PANX3: variants seen among roughly 807,000 people sequenced by gnomAD.
PANX3 encodes pannexin 3.
A neutral mutation model predicts 31.5 loss-of-function variants in PANX3; 18 were observed. That is an observed-to-expected ratio of 0.57 (90% CI 0.39 to 0.85). The LOEUF is 0.85. PANX3 is among the 40% of genes least tolerant of loss of function. PANX3 has a pLI of 0.00. For missense variants in PANX3, 426 were observed against 485.4 expected (o/e 0.88, Z 1.15); for synonymous variants, 194 against 201.6 (o/e 0.96, Z 0.32).
chr11:124,617,544 A>C, intron 3 of PANX3, 56 bp downstream of exon 3: 1 of 1,545,472 alleles, frequency 6.5e-7, no homozygotes, highest in Non-Finnish European at 8.9e-7. Context: ...TAAAATGATA[A>C]CTTTGCATAG....
chr11:124,613,300 A>G (rs1863116728), intron 2 of PANX3, among the ~76,000 whole-genome samples, 178 bp downstream of exon 2: 2 of 152,214 alleles, frequency 1.3e-5, no homozygotes, highest in Admixed American at 1.3e-4. Flanking sequence ...CCTTTTATCT[A>G]ATTGGAAGCT....
chr11:124,615,103 A>G (rs1863138230), intron 2 of PANX3, among the ~76,000 whole-genome samples: 2 of 151,768 alleles, frequency 1.3e-5, no homozygotes, highest in Admixed American at 1.3e-4. Flanking sequence ...TTTCTTTTTG[A>G]GACAGAGTCT....
intron 2 of PANX3, among the ~76,000 whole-genome samples, chr11:124,615,413 A>G (rs986631562): frequency 2.6e-5 from 4 of 152,118 alleles, no homozygotes; most frequent in Admixed American, 6.6e-5. Context: ...GGTACAATCA[A>G]TTATGTATCC....
Position 124,617,291 on chromosome 11 carries a change from G to A in PANX3, c.342G>A (p.Leu114=). 6.2e-7 allele frequency: 1 copy of A among 1,606,668 alleles called. No individual in the cohort carries two copies. The highest frequency in any genetic ancestry group is 8.5e-7 in the Non-Finnish European group (1 of 1,179,944). The change falls in exon 3 of 4, where the codon CTG becomes CTA. Residue 114 remains leucine, a synonymous_variant. Coordinates refer to ENST00000284288, the MANE Select transcript of PANX3 (RefSeq NM_052959.3). ...CCCTGCAGGCCCTCCCCTACTCCCTGCTGGCCCTGGCCTTGCTCATGTACC... is the reference window on the plus strand; with the variant it reads ...CCCTGCAGGCCCTCCCCTACTCCCTACTGGCCCTGGCCTTGCTCATGTACC... ...LWPHKALPYS[L]LALALLMYLP... is the part of the protein sequence containing the mutation.
intron 3 of PANX3, 101 bp from the exon 4 acceptor site, chr11:124,619,195 T>C (rs1756286602): frequency 8.0e-7 from 1 of 1,255,846 alleles, no homozygotes; most frequent in Non-Finnish European, 1.1e-6. Context: ...GAACCAAGAA[T>C]GCCATGTTGA....
At chr11:124,615,374 C>A (rs1863141642) in intron 2 of PANX3, among the ~76,000 whole-genome samples, 1 of 152,206 alleles carries the variant, frequency 6.6e-6, no homozygotes, top group South Asian at 2.1e-4. Context: ...AGCCACTGCG[C>A]CCGGCCCCAC....
chr11:124,619,197 C>G, intron 3 of PANX3, 99 bp from the exon 4 acceptor site: 1 of 1,275,328 alleles, frequency 7.8e-7, no homozygotes, highest in South Asian at 1.5e-5. Flanking sequence ...ACCAAGAATG[C>G]CATGTTGAAA....
chr11:124,619,239 T>TA, intron 3 of PANX3, 57 bp from the exon 4 acceptor site: 2 of 1,513,800 alleles, frequency 1.3e-6, no homozygotes, highest in East Asian at 2.3e-5. Context: ...ATGCCTCTCT[T>TA]AGAGTATGGT....
chr11:124,614,536 G>A (rs981522173), intron 2 of PANX3, among the ~76,000 whole-genome samples: 25 of 152,064 alleles, frequency 1.6e-4, no homozygotes, highest in Admixed American at 1.1e-3. Flanking sequence ...CCAAAGTGCT[G>A]GGATTACAGG....
intron 2 of PANX3, among the ~76,000 whole-genome samples, chr11:124,614,675 T>C (rs1294517500): frequency 2.1e-5 from 3 of 140,850 alleles, no homozygotes; most frequent in East Asian, 4.1e-4. Flanking sequence ...CCTTTCTTTT[T>C]TTTTTTTTTT....
chr11:124,616,013 C>CAATA lies in PANX3; in HGVS notation c.325-1238_325-1235dup, dbSNP rs746308882. Among the ~76,000 whole-genome samples, 545 of 151,910 alleles carry CAATA rather than the reference C, an allele frequency of 3.6e-3. 2 individuals carry two copies. Among genetic ancestry groups the CAATA allele is most frequent in the African/African-American group, 9.9e-3 (411 of 41,392 alleles). On this transcript the variant is annotated intron_variant, in intron 2 of 3. Transcript: ENST00000284288. This position sits in a 1 kb window ranked among gnomAD's most constrained non-coding sequence, Gnocchi z 4.8. ...TGGGCAAGAGAGCGAGACTCAATCT[C>CAATA]AATAAATAAATAAATAAATAAATAA...
rs766674566 is a variant in PANX3 at position 124,617,320 on chromosome 11, C to T, written c.371C>T (p.Pro124Leu). The change falls in exon 3 of 4, where the codon CCG (proline) becomes CTG (leucine). Residue 124 changes from proline (P) to leucine (L), a missense_variant. Physicochemically the swap from Pro to Leu is moderately conservative, Grantham distance 98. Transcript: ENST00000284288. ...GCCCTGGCCTTGCTCATGTACCTGC[C>T]GGTGCTGCTGTGGCAGTATGCAGCT... ...LLALALLMYL[P>L]VLLWQYAAVP... The T allele has an allele frequency of 6.2e-6, 10 of 1,610,872 alleles. No individual in the cohort carries two copies. In the African/African-American group the frequency reaches 6.7e-5, roughly 11 times the overall value.
intron 1 of PANX3, among the ~76,000 whole-genome samples, chr11:124,611,955 A>G (rs1381936671): frequency 6.6e-6 from 1 of 151,664 alleles, no homozygotes; most frequent in Non-Finnish European, 1.5e-5. Flanking sequence ...ACAGTAAAAA[A>G]AAAAAAAAAA....
chr11:124,619,923 T>C lies in PANX3; in HGVS notation c.1167T>C (p.Asp389=), dbSNP rs771027521. 2.5e-6 allele frequency: 4 copies of C among 1,604,324 alleles called. No individual in the cohort carries two copies. The African/African-American group carries it at 4.0e-5, about 16-fold the overall frequency. Residue 389 remains aspartate (D), a synonymous_variant, in exon 4 of 4, where the codon GAT becomes GAC. Coordinates refer to ENST00000284288, the MANE Select transcript of PANX3 (RefSeq NM_052959.3). ...AACACCTCACCAACTCGGCATGTGA[T>C]GAACACCCATAGTTAAGAAACCATG... is the stretch of plus-strand genomic sequence containing the variant. The part of the protein sequence containing the change: ...KPKHLTNSAC[D]EHP
rs1330932613 is a variant in PANX3 at position 124,614,242 on chromosome 11, T to C, written c.324+1120T>C. Among the ~76,000 whole-genome samples, 15 of 149,116 alleles carry C rather than the reference T, an allele frequency of 1.0e-4. No homozygotes were observed. In the East Asian group the frequency reaches 2.8e-3, roughly 27 times the overall value. On this transcript the variant is annotated intron_variant, in intron 2 of 3. Coordinates refer to ENST00000284288, the MANE Select transcript of PANX3 (RefSeq NM_052959.3). Reference sequence around the variant, plus strand: ...ATTCACATATAAGAAAAGGATCAAATTGCCTGATAATCAAGATCGCCAGAA... The same window carrying C: ...ATTCACATATAAGAAAAGGATCAAACTGCCTGATAATCAAGATCGCCAGAA...
At chr11:124,614,225 A>T (rs1050079684) in intron 2 of PANX3, among the ~76,000 whole-genome samples, 1 of 151,674 alleles carries the variant, frequency 6.6e-6, no homozygotes, top group African/African-American at 2.4e-5. Flanking sequence ...GAATTCACAT[A>T]TAAGAAAAGG....
intron 3 of PANX3, among the ~76,000 whole-genome samples, chr11:124,618,136 G>A (rs1040051131): frequency 2.0e-5 from 3 of 152,200 alleles, no homozygotes; most frequent in Admixed American, 2.0e-4. Flanking sequence ...AAAAGAAAAA[G>A]TAAAGTGGGA....
chr11:124,617,817 T>A (rs755827263), intron 3 of PANX3, among the ~76,000 whole-genome samples: 9 of 152,212 alleles, frequency 5.9e-5, no homozygotes, highest in Non-Finnish European at 1.0e-4. Flanking sequence ...TGCAAGGCCC[T>A]CAACACACTG....
intron 3 of PANX3, among the ~76,000 whole-genome samples, chr11:124,618,529 T>C (rs1267143731): frequency 6.6e-6 from 1 of 152,222 alleles, no homozygotes; most frequent in Non-Finnish European, 1.5e-5. Flanking sequence ...TACATGTACC[T>C]GAACACCAAA....
Sources: gnomAD v4.1 joint callset for allele counts (sites outside exome capture counted in the v4.1 genomes callset) on GRCh38, gnomAD v4.1.1 for gene constraint, Gnocchi (gnomAD v3.1) non-coding constraint, MANE v1.5 for transcripts, NCBI Gene and HGNC (gene_info 2026-07-23, HGNC 2026-07-21) for gene names.